The following HUNK variants were observed in gnomAD, a reference collection of about 807,000 sequenced individuals.
HUNK encodes the protein hormonally up-regulated Neu-associated kinase.
HUNK carries 21 observed loss-of-function variants against 61.0 expected under a neutral mutation model. That is an observed-to-expected ratio of 0.34 (90% CI 0.24 to 0.50). The LOEUF (loss-of-function observed/expected upper bound fraction) is 0.50. HUNK is among the 20% of genes least tolerant of loss of function. The pLI, the probability that HUNK is intolerant of heterozygous loss-of-function variation, is 0.98. For synonymous variants in HUNK, 371 were observed against 386.1 expected, an observed-to-expected ratio of 0.96 and a Z score of 0.46; for missense variants, 772 against 945.7, an observed-to-expected ratio of 0.82 and a Z score of 2.41.
At chr21:31,990,639 A>G (rs1427662383) in intron 9 of HUNK, among the ~76,000 whole-genome samples, 2 of 151,748 alleles carry the variant, frequency 1.3e-5, no homozygotes, top group Admixed American at 1.3e-4. Flanking sequence ...AGGTTCAAGC[A>G]ATTCTCCGGC....
At chr21:31,960,144 A>G (rs1016054156) in intron 5 of HUNK, among the ~76,000 whole-genome samples, 4 of 152,198 alleles carry the variant, frequency 2.6e-5, no homozygotes, top group Non-Finnish European at 5.9e-5. Context: ...CATTCATTCC[A>G]TATTTCATAC....
intron 4 of HUNK, among the ~76,000 whole-genome samples, chr21:31,948,441 C>G (rs1280106271): frequency 1.3e-5 from 2 of 152,184 alleles, no homozygotes; most frequent in Non-Finnish European, 2.9e-5. Flanking sequence ...TGAGGCCCTC[C>G]CATGTACCCT....
intron 2 of HUNK, among the ~76,000 whole-genome samples, chr21:31,926,876 A>T (rs79460111): frequency 0.01 from 1,568 of 152,236 alleles, 17 homozygotes; most frequent in African/African-American, 0.036. Flanking sequence ...TATATATTTT[A>T]AAAAAATTCA....
chr21:31,999,740 A>C lies in HUNK; in HGVS notation c.*556A>C, dbSNP rs758407790. 2.5e-5 allele frequency: 4 copies of C among 161,180 alleles called. No individual in the cohort carries two copies. The highest frequency in any genetic ancestry group is 4.0e-5 in the Non-Finnish European group (3 of 74,412). 10.0% of individuals were successfully genotyped at this position (161,180 alleles called of 1,614,324 possible). On this transcript the variant is annotated 3_prime_UTR_variant, in exon 11 of 11. Coordinates refer to ENST00000270112, the MANE Select transcript of HUNK (RefSeq NM_014586.2). ...GAAGATGGAGAGGAGCTTCGGACCA[A>C]GATCAAACCAAACAGTGGGGACCCC...
chr21:31,921,643 C>T (rs1032454268), intron 1 of HUNK, among the ~76,000 whole-genome samples: 19 of 152,042 alleles, frequency 1.2e-4, no homozygotes, highest in Non-Finnish European at 2.4e-4. Flanking sequence ...GTTCTAGACC[C>T]ACTGATTTGG....
At chr21:31,876,848 G>A (rs1032835570) in intron 1 of HUNK, among the ~76,000 whole-genome samples, 24 of 152,228 alleles carry the variant, frequency 1.6e-4, no homozygotes, top group African/African-American at 5.3e-4. Context: ...GGGTCTCACT[G>A]TGTTGCTCAG....
intron 4 of HUNK, among the ~76,000 whole-genome samples, chr21:31,956,935 C>T (rs2052893430): frequency 6.6e-6 from 1 of 152,124 alleles, no homozygotes; most frequent in Non-Finnish European, 1.5e-5. Flanking sequence ...CTATGTGTGC[C>T]TTGTTCATTC....
chr21:31,957,915 T>C (rs2052900330), intron 4 of HUNK, among the ~76,000 whole-genome samples: 1 of 152,174 alleles, frequency 6.6e-6, no homozygotes, highest in African/African-American at 2.4e-5. Flanking sequence ...CCAGGTTTTG[T>C]TATGAGGCTT....
chr21:31,969,847 C>G (rs1418747602), intron 6 of HUNK, among the ~76,000 whole-genome samples: 2 of 152,138 alleles, frequency 1.3e-5, no homozygotes, highest in Middle Eastern at 3.2e-3. Context: ...AGGCTTGAGC[C>G]ACTGTGCCCG....
intron 8 of HUNK, among the ~76,000 whole-genome samples, chr21:31,988,870 G>T (rs183992868): frequency 1.4e-5 from 2 of 141,742 alleles, no homozygotes; most frequent in African/African-American, 5.3e-5. Flanking sequence ...TCGGTTTCCA[G>T]ACCAAGCTGG....
intron 1 of HUNK, among the ~76,000 whole-genome samples, chr21:31,880,113 C>T (rs561271156): frequency 5.3e-4 from 80 of 152,340 alleles, no homozygotes; most frequent in Non-Finnish European, 1.0e-3. Context: ...TCCTCCATCA[C>T]CAGCACCAGC....
Position 31,998,526 on chromosome 21 carries a change from A to T in HUNK, c.1487A>T (p.Asp496Val). 6.3e-7 allele frequency: 1 copy of T among 1,576,282 alleles called. No individual in the cohort carries two copies. Among genetic ancestry groups the T allele is most frequent in the Non-Finnish European group, 8.6e-7 (1 of 1,162,324 alleles). Residue 496 changes from aspartate (D) to valine (V), a missense_variant and splice_region_variant, in exon 11 of 11, where the codon GAT becomes GTT. Around this residue, in one of 2 missense-constraint regions of HUNK, gnomAD observed 413 missense variants for 444.4 expected, o/e 0.93. Coordinates refer to ENST00000270112, the MANE Select transcript of HUNK (RefSeq NM_014586.2). ...TTGTTTATGCTTTCTTGGTGTGCAG[A>T]TTCCTTTGGCTGCCGCAATATTTTC... ...KASKSSFPDKDSFGCRNIFRK... is the reference protein window; with the variant it reads ...KASKSSFPDKVSFGCRNIFRK...
At chr21:31,969,545 A>C (rs573300186) in intron 6 of HUNK, among the ~76,000 whole-genome samples, 3 of 151,994 alleles carry the variant, frequency 2.0e-5, no homozygotes, top group African/African-American at 7.2e-5. Flanking sequence ...CGCTAACTAC[A>C]GATTAAAAAA....
At chr21:31,901,947 C>G (rs933655063) in intron 1 of HUNK, among the ~76,000 whole-genome samples, 1 of 152,174 alleles carries the variant, frequency 6.6e-6, no homozygotes, top group East Asian at 1.9e-4. Flanking sequence ...ACTTAGCTGT[C>G]GGTTGAGAGT....
chr21:31,962,374 C>T (rs1278638537), intron 5 of HUNK, among the ~76,000 whole-genome samples: 1 of 152,202 alleles, frequency 6.6e-6, no homozygotes, highest in Non-Finnish European at 1.5e-5. Flanking sequence ...TTTTTACTTT[C>T]AATAACATCA....
Position 31,974,551 on chromosome 21 carries a change from G to T in HUNK, c.1011-4G>T, listed in dbSNP as rs754005752. 1 of 1,611,206 alleles carries T rather than the reference G, an allele frequency of 6.2e-7. No individual in the cohort carries two copies. The highest frequency in any genetic ancestry group is 2.2e-5 in the East Asian group (1 of 44,692). The stretch of plus-strand genomic sequence containing the variant: ...GACTGGTCCTCTCTCTCTGCACCTC[G>T]CAGGATTTCTCTGGAAGATCTGAGC... On this transcript the variant is annotated splice_region_variant and splice_polypyrimidine_tract_variant and intron_variant, in intron 6 of 10. Coordinates refer to ENST00000270112, the MANE Select transcript of HUNK (RefSeq NM_014586.2).
Position 31,998,605 on chromosome 21 carries a change from C to T in HUNK, c.1566C>T (p.Pro522=), listed in dbSNP as rs938636301. Residue 522 remains proline, a synonymous_variant, in exon 11 of 11, where the codon CCC becomes CCT. Coordinates refer to ENST00000270112, the MANE Select transcript of HUNK (RefSeq NM_014586.2). Reference sequence around the variant, plus strand: ...CTTCTTCTTCCATGGAGTTCATCCCCGTGCCACCGCCCAGGACCCCGAGGA... The same window carrying T: ...CTTCTTCTTCCATGGAGTTCATCCCTGTGCCACCGCCCAGGACCCCGAGGA... ...CVASSSMEFI[P]VPPPRTPRIV... 45 of 1,613,808 alleles carry T rather than the reference C, an allele frequency of 2.8e-5. No homozygotes were observed. The highest frequency in any genetic ancestry group is 1.6e-4 in the Middle Eastern group (1 of 6,084).
chr21:31,875,675 A>C (rs1199728810), intron 1 of HUNK, among the ~76,000 whole-genome samples: 1 of 152,126 alleles, frequency 6.6e-6, no homozygotes, highest in Non-Finnish European at 1.5e-5. Context: ...GCCCTGTGTA[A>C]ATTCCTGTTG....
At chr21:31,990,925 C>A (rs1468280843) in intron 9 of HUNK, among the ~76,000 whole-genome samples, 2 of 152,204 alleles carry the variant, frequency 1.3e-5, no homozygotes, top group Non-Finnish European at 2.9e-5. Context: ...GGCAAGTTGA[C>A]ATATGAAATT....
Sources: gnomAD v4.1 joint callset for allele counts (sites outside exome capture counted in the v4.1 genomes callset) on GRCh38, gnomAD v4.1.1 for gene constraint, gnomAD v4.1.1 regional missense constraint, MANE v1.5 for transcripts, NCBI Gene and HGNC (gene_info 2026-07-23, HGNC 2026-07-21) for gene names.